NCOA7: variants seen among roughly 807,000 people sequenced by gnomAD.
The protein encoded by NCOA7 is nuclear receptor coactivator 7.
Under a neutral mutation model 104.3 loss-of-function variants are expected in NCOA7, and 45 were observed. The ratio of observed to expected loss-of-function variants is 0.43; its 90% confidence interval spans 0.34 to 0.55. The LOEUF is 0.55. Ranked by LOEUF, NCOA7 falls within the 20% of genes least tolerant of loss-of-function variation. The pLI, the probability that NCOA7 is intolerant of heterozygous loss-of-function variation, is 0.02. For missense variants in NCOA7, 1,041 were observed against 1,119.7 expected (o/e 0.93, Z 1.00); for synonymous variants, 398 against 402.3 (o/e 0.99, Z 0.13).
intron 1 of NCOA7, among the ~76,000 whole-genome samples, chr6:125,800,605 CAA>C: frequency 6.6e-6 from 1 of 152,174 alleles, no homozygotes. Flanking sequence ...CCAGCCTAAA[CAA>C]AGAGTTGTGA....
At chr6:125,912,443 T>C (rs996987662) in intron 10 of NCOA7, among the ~76,000 whole-genome samples, 3 of 152,212 alleles carry the variant, frequency 2.0e-5, no homozygotes, top group Non-Finnish European at 4.4e-5. Flanking sequence ...CTTCTCCTAA[T>C]TGGAGTCAAA....
rs116306619 is a variant in NCOA7, at chr6:125,889,039, A to G, written c.985A>G (p.Asn329Asp). ...INPFSKFKSI[N>D]KEKRQQNGEK... ...CCCATTCAGTAAGTTCAAATCTATC[A>G]ACAAGGAAAAACGACAGCAGAATGG... Residue 329 changes from asparagine to aspartate, a missense_variant, in exon 9 of 16, where the codon AAC (asparagine) becomes GAC (aspartate). Physicochemically the swap from Asn to Asp is conservative, Grantham distance 23. Transcript: ENST00000392477. 6.2e-7 allele frequency: 1 copy of G among 1,614,134 alleles called. No individual in the cohort carries two copies. Among genetic ancestry groups the G allele is most frequent in the African/African-American group, 1.3e-5 (1 of 75,058 alleles).
intron 11 of NCOA7, among the ~76,000 whole-genome samples, 185 bp downstream of exon 11, chr6:125,915,665 C>T (rs1489196628): frequency 2.0e-5 from 3 of 152,140 alleles, no homozygotes; most frequent in Non-Finnish European, 4.4e-5. Flanking sequence ...CCGCTATGTA[C>T]ACAGGCACAC....
At chr6:125,855,343 T>C in intron 3 of NCOA7, 103 bp downstream of exon 3, 1 of 903,030 alleles carries the variant, frequency 1.1e-6, no homozygotes, top group Non-Finnish European at 1.7e-6. Context: ...TAACAGTTTA[T>C]GGAGCAGCTG....
intron 10 of NCOA7, among the ~76,000 whole-genome samples, chr6:125,912,924 T>G (rs1236357591): frequency 6.6e-6 from 1 of 152,212 alleles, no homozygotes; most frequent in Non-Finnish European, 1.5e-5. Flanking sequence ...AGAAGGAAAC[T>G]TCTTATTATA....
intron 12 of NCOA7, 147 bp downstream of exon 12, chr6:125,921,215 G>A (rs1045388872): frequency 2.7e-6 from 3 of 1,102,586 alleles, no homozygotes; most frequent in Non-Finnish European, 3.7e-6. Flanking sequence ...TTTGAGACCA[G>A]ACTGGACAAC....
chr6:125,815,132 C>T, intron 1 of NCOA7, 159 bp from the exon 2 acceptor site: 1 of 359,402 alleles, frequency 2.8e-6, no homozygotes, highest in Non-Finnish European at 5.0e-6. Flanking sequence ...TAGTTTCTCC[C>T]ATGGACATTT....
At position 125,861,763 on chromosome 6, in the gene NCOA7, G is replaced by T. The variant is rs188899776; in HGVS notation, c.271+6523G>T. ...ATGAAAGTGATAAGAGAAGCTGGGC[G>T]TGGTGGCTCACGCCTATAATCCCAG... On this transcript the variant is annotated intron_variant, in intron 3 of 15. Coordinates refer to ENST00000392477, the MANE Select transcript of NCOA7 (RefSeq NM_181782.5). Among the ~76,000 whole-genome samples, 21 of 152,274 alleles carry T rather than the reference G, an allele frequency of 1.4e-4. No homozygotes were observed. The South Asian group carries it at 4.1e-3, about 30-fold the overall frequency.
intron 5 of NCOA7, among the ~76,000 whole-genome samples, chr6:125,880,685 T>A (rs111229236): frequency 5.9e-5 from 9 of 152,078 alleles, no homozygotes; most frequent in Middle Eastern, 3.4e-3. Flanking sequence ...CGAGCCACCA[T>A]GCCCAGCTAA....
chr6:125,815,924 A>G (rs1226956677), intron 2 of NCOA7, among the ~76,000 whole-genome samples: 2 of 152,260 alleles, frequency 1.3e-5, no homozygotes, highest in African/African-American at 4.8e-5. Context: ...ATATCTGAAT[A>G]GAAGTAATGT....
chr6:125,898,619 T>C (rs1480661676), intron 10 of NCOA7, among the ~76,000 whole-genome samples: 1 of 151,374 alleles, frequency 6.6e-6, no homozygotes, highest in Admixed American at 6.6e-5. Flanking sequence ...GATAATCTTC[T>C]AAAAAAAAAC....
chr6:125,826,326 G>A (rs539024646), intron 2 of NCOA7, among the ~76,000 whole-genome samples: 69 of 139,116 alleles, frequency 5.0e-4, no homozygotes, highest in African/African-American at 1.6e-3. Context: ...GCAAGACTCC[G>A]TCTCTAAAAG....
chr6:125,864,050 A>G lies in NCOA7; in HGVS notation c.271+8810A>G, dbSNP rs1229523206. ...GGGGGCAGTTTGGCTGTTTTTATCA[A>G]GACCCTTTTTGCATACTCTTTGACC... is the stretch of plus-strand genomic sequence containing the variant. On this transcript the variant is annotated intron_variant, in intron 3 of 15. Coordinates refer to ENST00000392477, the MANE Select transcript of NCOA7 (RefSeq NM_181782.5). 2.2e-5 allele frequency among the ~76,000 whole-genome samples: 3 copies of G among 137,640 alleles called. 1 individual carries two copies. The highest frequency in any genetic ancestry group is 4.6e-5 in the Non-Finnish European group (3 of 64,830). 90.3% of individuals were successfully genotyped at this position (137,640 alleles called of 152,430 possible). A position where few individuals can be genotyped will look rare whatever the true frequency, so the allele number is the denominator to read the frequency against.
chr6:125,903,546 T>C (rs775560941), intron 10 of NCOA7, among the ~76,000 whole-genome samples: 48 of 152,142 alleles, frequency 3.2e-4, no homozygotes, highest in Admixed American at 5.9e-4. Flanking sequence ...ATTCCCTCCC[T>C]CACAAATATC....
At chr6:125,864,408 T>G (rs1429229621) in intron 3 of NCOA7, among the ~76,000 whole-genome samples, 1 of 137,566 alleles carries the variant, frequency 7.3e-6, no homozygotes, top group Non-Finnish European at 1.5e-5. Context: ...AATGCAAACA[T>G]CAGTCTCTCT....
Position 125,885,266 on chromosome 6 carries a change from C to A in NCOA7, c.807C>A (p.Ile269=). The A allele has an allele frequency of 6.2e-7, 1 of 1,614,086 alleles. No homozygotes were observed. Among genetic ancestry groups the A allele is most frequent in the Middle Eastern group, 1.6e-4 (1 of 6,062 alleles). The change falls in exon 8 of 16, where the codon ATC becomes ATA. Residue 269 remains isoleucine, a synonymous_variant. Coordinates refer to ENST00000392477, the MANE Select transcript of NCOA7 (RefSeq NM_181782.5). ...IENGCEEYGL[I]CPMEEVVSIA... The stretch of plus-strand genomic sequence containing the variant: ...ATGGGTGTGAGGAGTATGGTCTCAT[C>A]TGCCCCATGGAAGAGGTTGTTTCCA...
intron 2 of NCOA7, among the ~76,000 whole-genome samples, chr6:125,845,625 T>C (rs922802084): frequency 1.3e-5 from 2 of 152,070 alleles, no homozygotes; most frequent in African/African-American, 2.4e-5. Context: ...AATACAAAAA[T>C]TAGCTGGGCA....
intron 2 of NCOA7, among the ~76,000 whole-genome samples, chr6:125,829,762 G>T (rs1384144363): frequency 7.5e-6 from 1 of 133,970 alleles, no homozygotes; most frequent in Admixed American, 7.6e-5. Context: ...TAAGAGTATA[G>T]AAGCACCAGG....
At chr6:125,915,247 A>G in intron 10 of NCOA7, 86 bp from the exon 11 acceptor site, 1 of 1,492,088 alleles carries the variant, frequency 6.7e-7, no homozygotes, top group Admixed American at 1.9e-5. Context: ...AAGCAGGGAA[A>G]AGATGGTTTA....
Sources: gnomAD v4.1 joint callset for allele counts (sites outside exome capture counted in the v4.1 genomes callset) on GRCh38, gnomAD v4.1.1 for gene constraint, MANE v1.5 for transcripts, NCBI Gene and HGNC (gene_info 2026-07-23, HGNC 2026-07-21) for gene names.